RPTOR: variants seen among roughly 807,000 people sequenced by gnomAD.
RPTOR encodes regulatory associated protein of MTOR complex 1, also known as regulatory-associated protein of mTOR.
Under a neutral mutation model 169.9 loss-of-function variants are expected in RPTOR, and 21 were observed. The ratio of observed to expected loss-of-function variants is 0.12; its 90% CI spans 0.09 to 0.18. The LOEUF (loss-of-function observed/expected upper bound fraction) is 0.18, where lower values mean the gene tolerates loss of function less well. Ranked by LOEUF, RPTOR falls within the 10% of genes least tolerant of loss-of-function variation. The pLI is 1.00. For synonymous variants in RPTOR, 732 were observed against 753.2 expected, an observed-to-expected ratio of 0.97 and a Z score of 0.46; for missense variants, 1,133 against 1,855.9, an observed-to-expected ratio of 0.61 and a Z score of 7.16.
At position 80,708,632 on chromosome 17, in the gene RPTOR, T is replaced by G. The variant is rs571289702; in HGVS notation, c.507+633T>G. 3.5e-5 allele frequency among the ~76,000 whole-genome samples: 5 copies of G among 143,406 alleles called. 2 individuals carry two copies. Among genetic ancestry groups the G allele is most frequent in the African/African-American group, 1.4e-4 (5 of 36,734 alleles). 94.1% of individuals were successfully genotyped at this position (143,406 alleles called of 152,430 possible). A position where few individuals can be genotyped will look rare whatever the true frequency, so the allele number is the denominator to read the frequency against. ...GTGGTGGGTGCTGACTGTCTCCTCA[T>G]CCTCCAGGGTGTGGTGGGTGCTGAC... On this transcript the variant is annotated intron_variant, in intron 4 of 33. Transcript: ENST00000306801. The surrounding 1 kb of genome is among the most constrained non-coding windows in gnomAD (Gnocchi z 4.2).
At chr17:80,868,974 ATG>A (rs1279972155) in intron 13 of RPTOR, among the ~76,000 whole-genome samples, 2 of 152,180 alleles carry the variant, frequency 1.3e-5, no homozygotes, top group Non-Finnish European at 2.9e-5. Context: ...GCAGAAGAAA[ATG>A]TCTGAGGGGC....
rs558143424 is a variant in RPTOR, at chr17:80,641,237, C to T, written c.266-2491C>T. On this transcript the variant is annotated intron_variant, in intron 2 of 33. Transcript: ENST00000306801. ...ATGTAACGTCTGAAGTCACAGATTA[C>T]GGATTATAACAAATTTACCACAATT... Among the ~76,000 whole-genome samples the T allele has an allele frequency of 2.6e-5, 4 of 152,288 alleles. No homozygotes were observed. In the South Asian group the frequency reaches 6.2e-4, roughly 24 times the overall value.
intron 13 of RPTOR, among the ~76,000 whole-genome samples, chr17:80,864,182 G>T (rs960075194): frequency 2.6e-5 from 4 of 152,162 alleles, no homozygotes; most frequent in African/African-American, 4.8e-5. Flanking sequence ...CTACACGAAG[G>T]CATATCGCAA....
At chr17:80,799,143 G>T (rs1423405390) in intron 7 of RPTOR, among the ~76,000 whole-genome samples, 1 of 152,218 alleles carries the variant, frequency 6.6e-6, no homozygotes, top group Non-Finnish European at 1.5e-5. Flanking sequence ...AACTGATCTT[G>T]GATCCAGGTT....
intron 3 of RPTOR, among the ~76,000 whole-genome samples, chr17:80,682,240 A>G: frequency 6.6e-6 from 1 of 151,590 alleles, no homozygotes; most frequent in Non-Finnish European, 1.5e-5. Flanking sequence ...AGTATCTAGA[A>G]CTACAGACCT....
intron 1 of RPTOR, among the ~76,000 whole-genome samples, chr17:80,567,627 A>G (rs984325959): frequency 2.0e-5 from 3 of 151,670 alleles, no homozygotes; most frequent in Non-Finnish European, 2.9e-5. Flanking sequence ...TGTCTCTACT[A>G]AAAATACAAA....
intron 3 of RPTOR, among the ~76,000 whole-genome samples, chr17:80,672,609 T>A (rs2065830406): frequency 6.6e-6 from 1 of 151,976 alleles, no homozygotes; most frequent in Non-Finnish European, 1.5e-5. Flanking sequence ...GCTAACACAG[T>A]GAAACCCTGT....
At chr17:80,658,954 G>A (rs527537579) in intron 3 of RPTOR, among the ~76,000 whole-genome samples, 1 of 152,186 alleles carries the variant, frequency 6.6e-6, no homozygotes, top group Non-Finnish European at 1.5e-5. Context: ...TGAAATGGGG[G>A]GTGTGTGTTG....
At chr17:80,683,998 G>A (rs953742364) in intron 3 of RPTOR, among the ~76,000 whole-genome samples, 7 of 152,158 alleles carry the variant, frequency 4.6e-5, no homozygotes, top group African/African-American at 7.2e-5. Context: ...CAATACACAG[G>A]AAGTAAATTC....
chr17:80,947,410 G>A lies in RPTOR; in HGVS notation c.3265+59G>A, dbSNP rs2144058452. On this transcript the variant is annotated intron_variant, in intron 27 of 33. Coordinates refer to ENST00000306801, the MANE Select transcript of RPTOR (RefSeq NM_020761.3). This position sits in a 1 kb window ranked among gnomAD's most constrained non-coding sequence, Gnocchi z 4.4. ...CAGGGTCTGGAGGAGTGGCGGGGAGGGTGTGTGATCCTGAGATGTGTTTGT... is the reference window on the plus strand; with the variant it reads ...CAGGGTCTGGAGGAGTGGCGGGGAGAGTGTGTGATCCTGAGATGTGTTTGT... The A allele has an allele frequency of 6.8e-7, 1 of 1,477,122 alleles. No individual in the cohort carries two copies. The highest frequency in any genetic ancestry group is 9.0e-7 in the Non-Finnish European group (1 of 1,114,016). 91.5% of individuals were successfully genotyped at this position (1,477,122 alleles called of 1,614,324 possible). A position where few individuals can be genotyped will look rare whatever the true frequency, so the allele number is the denominator to read the frequency against.
At position 80,959,660 on chromosome 17, in the gene RPTOR, G is replaced by A. The variant is rs116893166; in HGVS notation, c.3478-418G>A. On this transcript the variant is annotated intron_variant, in intron 29 of 33. Coordinates refer to ENST00000306801, the MANE Select transcript of RPTOR (RefSeq NM_020761.3). This position sits in a 1 kb window ranked among gnomAD's most constrained non-coding sequence, Gnocchi z 6.7. ...CATTAGAAGTTCTGAGACGCAGCCA[G>A]TGAGGAGTCCTTGCCAAAATGTGCT... is the stretch of plus-strand genomic sequence containing the variant. 0.013 allele frequency among the ~76,000 whole-genome samples: 2,002 copies of A among 152,336 alleles called. 30 individuals are homozygous for A. Among genetic ancestry groups the A allele is most frequent in the Non-Finnish European group, 0.016 (1,116 of 68,012 alleles).
At chr17:80,620,957 G>A (rs1225361712) in intron 1 of RPTOR, among the ~76,000 whole-genome samples, 2 of 152,214 alleles carry the variant, frequency 1.3e-5, no homozygotes, top group East Asian at 3.8e-4. Context: ...GTGTATTCGC[G>A]AGGTGCTTTT....
rs756470738 is a variant in RPTOR at position 80,855,445 on chromosome 17, T to A, written c.1315-19T>A. The A allele has an allele frequency of 6.2e-7, 1 of 1,601,254 alleles. No homozygotes were observed. Among genetic ancestry groups the A allele is most frequent in the Non-Finnish European group, 8.6e-7 (1 of 1,168,422 alleles). On this transcript the variant is annotated intron_variant, in intron 11 of 33. Coordinates refer to ENST00000306801, the MANE Select transcript of RPTOR (RefSeq NM_020761.3). ...CCAGTATGGTTTGCAGTGATACCAT[T>A]TTCTTCTTGTTCTTCCAGGTGCTGT...
At chr17:80,743,766 C>A (rs12941902) in intron 5 of RPTOR, among the ~76,000 whole-genome samples, 8,560 of 63,546 alleles carry the variant, frequency 0.13, 1,167 homozygotes, top group East Asian at 0.2. Context: ...TACTAGCACT[C>A]TCCTGGTTAC....
chr17:80,824,288 G>C (rs986446587), intron 9 of RPTOR, among the ~76,000 whole-genome samples: 3 of 152,180 alleles, frequency 2.0e-5, no homozygotes, highest in African/African-American at 4.8e-5. Context: ...AGATAAAATA[G>C]AGAACCCTGA....
intron 21 of RPTOR, among the ~76,000 whole-genome samples, chr17:80,919,667 C>G (rs1316129220): frequency 2.0e-5 from 3 of 152,266 alleles, no homozygotes; most frequent in Non-Finnish European, 4.4e-5. Flanking sequence ...GGATAAAAGA[C>G]ACCTGCACCT....
intron 1 of RPTOR, among the ~76,000 whole-genome samples, chr17:80,610,374 G>A (rs2065261427): frequency 1.3e-5 from 2 of 152,196 alleles, no homozygotes; most frequent in Admixed American, 6.5e-5. Context: ...TCCCATGGTT[G>A]TCAATTACTG....
chr17:80,711,191 C>T (rs2066187069), intron 4 of RPTOR, among the ~76,000 whole-genome samples: 1 of 152,182 alleles, frequency 6.6e-6, no homozygotes, highest in African/African-American at 2.4e-5. Context: ...TTCCTTTGCT[C>T]TTGGTGCTGG....
intron 9 of RPTOR, among the ~76,000 whole-genome samples, chr17:80,829,054 G>A (rs2067475071): frequency 6.6e-6 from 1 of 152,094 alleles, no homozygotes; most frequent in South Asian, 2.1e-4. Flanking sequence ...TTGGAGTGAT[G>A]GTTCTCCATT....
Sources: allele counts gnomAD v4.1 joint callset (sites outside exome capture counted in the v4.1 genomes callset), GRCh38; gene constraint gnomAD v4.1.1; non-coding constraint Gnocchi (gnomAD v3.1); transcripts MANE v1.5; gene names NCBI Gene and HGNC (gene_info 2026-07-23, HGNC 2026-07-21).